Variants in AFF3 observed in about 807,000 individuals in gnomAD.
The protein encoded by AFF3 is ALF transcription elongation factor 3, also known as AF4/FMR2 family member 3.
In AFF3, 32 loss-of-function variants were observed where a neutral mutation model predicts 129.7. The ratio of observed to expected loss-of-function variants is 0.25; its 90% CI spans 0.19 to 0.33. The LOEUF is 0.33. AFF3 is among the 10% of genes least tolerant of loss of function. The pLI is 1.00. For missense variants in AFF3, 1,373 were observed against 1,592.0 expected, an observed-to-expected ratio of 0.86 and a Z score of 2.34; for synonymous variants, 644 against 635.4, an observed-to-expected ratio of 1.01 and a Z score of -0.20.
intron 11 of AFF3, among the ~76,000 whole-genome samples, chr2:99,722,440 T>TA (rs1678973744): frequency 6.6e-6 from 1 of 152,228 alleles, no homozygotes; most frequent in African/African-American, 2.4e-5. Flanking sequence ...TTTGGGTACT[T>TA]AGTGTTATAC....
intron 8 of AFF3, among the ~76,000 whole-genome samples, chr2:99,813,226 G>T (rs925163449): frequency 1.3e-5 from 2 of 152,164 alleles, no homozygotes; most frequent in Non-Finnish European, 2.9e-5. Flanking sequence ...TTGCTCACAC[G>T]AGGTTTTTCT....
intron 11 of AFF3, among the ~76,000 whole-genome samples, chr2:99,699,377 C>T (rs1676617704): frequency 6.6e-6 from 1 of 152,120 alleles, no homozygotes; most frequent in Non-Finnish European, 1.5e-5. Flanking sequence ...GAAGAGGGAC[C>T]ATGCGGTTCA....
intron 7 of AFF3, among the ~76,000 whole-genome samples, chr2:99,946,156 T>A (rs1439147071): frequency 6.6e-6 from 1 of 152,002 alleles, no homozygotes; most frequent in Non-Finnish European, 1.5e-5. Flanking sequence ...AGAGACCACA[T>A]AGGCAGTAAC....
intron 4 of AFF3, among the ~76,000 whole-genome samples, chr2:100,041,130 A>C (rs1176780751): frequency 6.6e-6 from 1 of 152,208 alleles, no homozygotes; most frequent in Non-Finnish European, 1.5e-5. Flanking sequence ...TGAGCATATG[A>C]CACTCTCCAG....
chr2:99,989,916 T>C (rs938050273), intron 7 of AFF3, among the ~76,000 whole-genome samples: 4 of 152,238 alleles, frequency 2.6e-5, no homozygotes, highest in African/African-American at 9.6e-5. Flanking sequence ...TTTTTATTTT[T>C]AATTGCTATG....
At chr2:100,032,446 G>A (rs1388444916) in intron 4 of AFF3, among the ~76,000 whole-genome samples, 1 of 151,170 alleles carries the variant, frequency 6.6e-6, no homozygotes, top group Non-Finnish European at 1.5e-5. Context: ...AAAAAAGTAT[G>A]CCCAAGAGAG....
intron 7 of AFF3, among the ~76,000 whole-genome samples, chr2:99,984,691 A>G (rs1046007784): frequency 2.0e-5 from 3 of 146,528 alleles, no homozygotes; most frequent in African/African-American, 5.0e-5. Context: ...CCACCCCACC[A>G]ACCCCCCAAC....
chr2:100,008,976 A>C, intron 4 of AFF3, 44 bp from the exon 5 acceptor site: 1 of 1,605,830 alleles, frequency 6.2e-7, no homozygotes, highest in South Asian at 1.1e-5. Flanking sequence ...CACACAAATT[A>C]AACTGTAAAG....
At chr2:99,786,731 G>T (rs779546970) in intron 8 of AFF3, among the ~76,000 whole-genome samples, 1 of 152,148 alleles carries the variant, frequency 6.6e-6, no homozygotes, top group East Asian at 1.9e-4. Context: ...ATGCCAGCAT[G>T]CTGTAAAATA....
At chr2:100,093,697 G>A (rs1005339270) in intron 4 of AFF3, among the ~76,000 whole-genome samples, 25 of 151,950 alleles carry the variant, frequency 1.6e-4, no homozygotes, top group African/African-American at 4.3e-4. Flanking sequence ...GGTGTTACCC[G>A]CTGAGCTGTC....
At chr2:100,020,823 G>A (rs540672139) in intron 4 of AFF3, among the ~76,000 whole-genome samples, 73 of 152,236 alleles carry the variant, frequency 4.8e-4, no homozygotes, top group African/African-American at 1.6e-3. Context: ...GTATCTCCCG[G>A]CTGCTCTTCC....
At chr2:99,626,822 T>C (rs1283171387) in intron 13 of AFF3, among the ~76,000 whole-genome samples, 2 of 152,204 alleles carry the variant, frequency 1.3e-5, no homozygotes, top group African/African-American at 4.8e-5. Flanking sequence ...AGTGAGAACA[T>C]ACTGTAGTTA....
intron 7 of AFF3, among the ~76,000 whole-genome samples, chr2:99,997,475 A>ACCC (rs35522930): frequency 8.6e-5 from 11 of 128,296 alleles, no homozygotes; most frequent in African/African-American, 3.0e-4. Context: ...AGCAACTATC[A>ACCC]CCCCCCCCCC....
chr2:99,985,538 C>T (rs1324520667), intron 7 of AFF3, among the ~76,000 whole-genome samples: 5 of 152,108 alleles, frequency 3.3e-5, no homozygotes, highest in Non-Finnish European at 7.3e-5. Flanking sequence ...GATAAAATTA[C>T]AGCAAAAAGT....
chr2:99,571,231 A>G (rs1246751667), intron 18 of AFF3, among the ~76,000 whole-genome samples: 7 of 152,140 alleles, frequency 4.6e-5, no homozygotes, highest in Non-Finnish European at 1.0e-4. Context: ...GAGTGTCTCC[A>G]TGGCAACCTG....
chr2:99,970,421 T>C (rs1002534847), intron 7 of AFF3, among the ~76,000 whole-genome samples: 3 of 152,234 alleles, frequency 2.0e-5, no homozygotes, highest in Admixed American at 6.5e-5. Context: ...TCCCGTTTCC[T>C]TTCTTCATTA....
At chr2:99,883,185 A>G (rs538521793) in intron 7 of AFF3, among the ~76,000 whole-genome samples, 1 of 152,284 alleles carries the variant, frequency 6.6e-6, no homozygotes, top group South Asian at 2.1e-4. Flanking sequence ...GTGCATTTTA[A>G]CCTTTGCAAT....
intron 8 of AFF3, among the ~76,000 whole-genome samples, chr2:99,820,319 C>T (rs536651306): frequency 6.6e-5 from 10 of 152,138 alleles, no homozygotes; most frequent in Admixed American, 1.3e-4. Flanking sequence ...CTGCAACACA[C>T]GGGTAAGTAT....
chr2:99,786,133 C>T (rs751349424), intron 8 of AFF3, among the ~76,000 whole-genome samples: 3 of 152,188 alleles, frequency 2.0e-5, no homozygotes, highest in Non-Finnish European at 4.4e-5. Context: ...TGCACAATTA[C>T]GGGTGCTTTC....
Sources: gnomAD v4.1 joint callset for allele counts (sites outside exome capture counted in the v4.1 genomes callset) on GRCh38, gnomAD v4.1.1 for gene constraint, MANE v1.5 for transcripts, NCBI Gene and HGNC (gene_info 2026-07-23, HGNC 2026-07-21) for gene names.